The following MPPED2 variants were observed in gnomAD, a reference collection of about 807,000 sequenced individuals.
The protein encoded by MPPED2 is metallophosphoesterase domain containing 2.
In MPPED2, 5 loss-of-function variants were observed where a neutral mutation model predicts 33.0. That is an observed-to-expected ratio of 0.15 (90% CI 0.08 to 0.32). The LOEUF (loss-of-function observed/expected upper bound fraction) is 0.32, where lower values mean the gene tolerates loss of function less well. Among genes scored for constraint, MPPED2 ranks in the 10% least tolerant of loss-of-function variants. The probability of loss-of-function intolerance (pLI) is 1.00; values close to 1 mark genes in which losing one functional copy is unlikely to be tolerated. For missense variants in MPPED2, 275 were observed against 372.1 expected (o/e 0.74, Z 2.15); for synonymous variants, 136 against 141.9 (o/e 0.96, Z 0.29).
At chr11:30,484,967 T>C (rs1473980663) in intron 4 of MPPED2, among the ~76,000 whole-genome samples, 1 of 152,130 alleles carries the variant, frequency 6.6e-6, no homozygotes, top group Non-Finnish European at 1.5e-5. Context: ...AATACCACCA[T>C]AGAAACGAAG....
chr11:30,398,322 C>G (rs1291766718), intron 6 of MPPED2, among the ~76,000 whole-genome samples: 1 of 152,146 alleles, frequency 6.6e-6, no homozygotes, highest in African/African-American at 2.4e-5. Flanking sequence ...CATTAACACA[C>G]TACTCTGACC....
At chr11:30,498,239 G>A (rs1200790304) in intron 3 of MPPED2, among the ~76,000 whole-genome samples, 1 of 151,782 alleles carries the variant, frequency 6.6e-6, no homozygotes, top group East Asian at 1.9e-4. Flanking sequence ...AAAAAACCAA[G>A]GCCATATATA....
intron 4 of MPPED2, among the ~76,000 whole-genome samples, chr11:30,428,725 A>G (rs1948949486): frequency 2.0e-5 from 3 of 152,158 alleles, no homozygotes; most frequent in Admixed American, 2.0e-4. Flanking sequence ...CATCTATAAA[A>G]CGGAGATAAA....
chr11:30,530,795 C>A (rs1238026341), intron 3 of MPPED2, among the ~76,000 whole-genome samples: 1 of 152,116 alleles, frequency 6.6e-6, no homozygotes, highest in Non-Finnish European at 1.5e-5. Context: ...GATGAAAGCA[C>A]AACAGGGACA....
At chr11:30,548,394 A>AT (rs1318520765) in intron 2 of MPPED2, among the ~76,000 whole-genome samples, 15 of 151,766 alleles carry the variant, frequency 9.9e-5, no homozygotes, top group African/African-American at 2.7e-4. Flanking sequence ...TTATTTTCTG[A>AT]TTTTTTGTAC....
intron 3 of MPPED2, among the ~76,000 whole-genome samples, chr11:30,519,455 T>C (rs776194198): frequency 6.6e-6 from 1 of 151,904 alleles, no homozygotes; most frequent in Non-Finnish European, 1.5e-5. Flanking sequence ...ATAGTACTGA[T>C]GGTGGTGGTA....
chr11:30,546,801 G>A (rs989837879), intron 2 of MPPED2, among the ~76,000 whole-genome samples: 3 of 152,178 alleles, frequency 2.0e-5, no homozygotes, highest in African/African-American at 7.2e-5. Context: ...ACAACATGAT[G>A]TCAACAGTTA....
intron 2 of MPPED2, among the ~76,000 whole-genome samples, chr11:30,555,571 A>G (rs1196537455): frequency 2.0e-5 from 3 of 152,074 alleles, no homozygotes; most frequent in East Asian, 1.9e-4. Flanking sequence ...TGCCCTTCTC[A>G]TGATAGTGAA....
intron 6 of MPPED2, among the ~76,000 whole-genome samples, chr11:30,401,198 T>C (rs1006351290): frequency 6.6e-6 from 1 of 152,244 alleles, no homozygotes; most frequent in African/African-American, 2.4e-5. Flanking sequence ...TGTTATAGGA[T>C]AGCAGATGGA....
At chr11:30,586,954 A>T (rs1018837473), upstream of MPPED2, 5 of 151,296 alleles carry the variant, frequency 3.3e-5, no homozygotes, top group Non-Finnish European at 7.4e-5. The surrounding 1 kb of genome is among the most constrained non-coding windows in gnomAD (Gnocchi z 4.8). Context: ...ACACACGCTC[A>T]CTCACTCACT....
intron 3 of MPPED2, among the ~76,000 whole-genome samples, chr11:30,524,437 A>G (rs879739491): frequency 1.1e-4 from 16 of 152,188 alleles, no homozygotes; most frequent in Non-Finnish European, 2.1e-4. Context: ...CCATCTGTTC[A>G]TGGTTCCTAA....
intron 1 of MPPED2, chr11:30,584,192 CTT>C (rs1490200677): frequency 1.3e-5 from 2 of 152,204 alleles, no homozygotes; most frequent in Admixed American, 1.3e-4. Flanking sequence ...GAGGGCAAGA[CTT>C]TTCTCCGGAG....
exon 7 of MPPED2, chr11:30,388,652 A>C: frequency 2.6e-6 from 1 of 380,490 alleles, no homozygotes; most frequent in Middle Eastern, 5.1e-4. Context: ...CACTGGCCCC[A>C]CCTCCCCAGT....
At chr11:30,461,217 G>A (rs1950505788) in intron 4 of MPPED2, among the ~76,000 whole-genome samples, 1 of 152,144 alleles carries the variant, frequency 6.6e-6, no homozygotes, top group Non-Finnish European at 1.5e-5. Context: ...TCGGGTGAAG[G>A]AGGAATGGTA....
At chr11:30,427,218 G>A (rs372182000) in intron 4 of MPPED2, among the ~76,000 whole-genome samples, 14 of 152,286 alleles carry the variant, frequency 9.2e-5, no homozygotes, top group African/African-American at 2.9e-4. Flanking sequence ...GTTACATAGC[G>A]AACTCTCAAG....
chr11:30,502,685 C>T (rs1395156839), intron 3 of MPPED2, among the ~76,000 whole-genome samples: 1 of 152,036 alleles, frequency 6.6e-6, no homozygotes, highest in East Asian at 1.9e-4. Flanking sequence ...CCTACATGGA[C>T]TAGGGAGGTA....
intron 3 of MPPED2, among the ~76,000 whole-genome samples, chr11:30,523,623 T>TTTTTA (rs1491056118): frequency 1.2e-5 from 1 of 84,212 alleles, no homozygotes; most frequent in Non-Finnish European, 2.9e-5. Flanking sequence ...CAACACATCT[T>TTTTTA]TTTTTTTTTT....
chr11:30,436,183 C>T (rs116963971), intron 4 of MPPED2, among the ~76,000 whole-genome samples: 2,161 of 151,704 alleles, frequency 0.014, 23 homozygotes, highest in Non-Finnish European at 0.022. Context: ...CTGTAAACCG[C>T]CAGAGGGGAG....
At chr11:30,478,584 A>G (rs1590454278) in intron 4 of MPPED2, among the ~76,000 whole-genome samples, 1 of 152,118 alleles carries the variant, frequency 6.6e-6, no homozygotes, top group African/African-American at 2.4e-5. Flanking sequence ...CATCATAAAC[A>G]AAGGATTTTG....
Sources: allele counts gnomAD v4.1 joint callset (sites outside exome capture counted in the v4.1 genomes callset), GRCh38; gene constraint gnomAD v4.1.1; non-coding constraint Gnocchi (gnomAD v3.1); transcripts MANE v1.5; gene names NCBI Gene and HGNC (gene_info 2026-07-23, HGNC 2026-07-21).